Variants in HS3ST4 observed in about 807,000 individuals in gnomAD.
HS3ST4 encodes the protein heparan sulfate glucosamine 3-O-sulfotransferase 4.
In HS3ST4, 17 loss-of-function variants were observed where a neutral mutation model predicts 29.2. The observed-to-expected ratio is 0.58, with a 90% CI of 0.40 to 0.87. HS3ST4 has a LOEUF of 0.87. Among genes scored for constraint, HS3ST4 ranks in the 40% least tolerant of loss-of-function variants. The pLI is 0.00. For missense variants in HS3ST4, 627 were observed against 634.5 expected (o/e 0.99, Z 0.13); for synonymous variants, 314 against 285.7 (o/e 1.10, Z -1.00).
At chr16:25,991,475 G>T (rs1346121113) in intron 1 of HS3ST4, among the ~76,000 whole-genome samples, 1 of 152,212 alleles carries the variant, frequency 6.6e-6, no homozygotes, top group Non-Finnish European at 1.5e-5. Context: ...CCCCTGAGTT[G>T]TCATAGTCTC....
At chr16:25,900,981 T>A (rs1484049103) in intron 1 of HS3ST4, among the ~76,000 whole-genome samples, 5 of 152,174 alleles carry the variant, frequency 3.3e-5, no homozygotes, top group Admixed American at 2.6e-4. Flanking sequence ...CTGACATTGA[T>A]CTTTTATTCT....
chr16:26,075,343 A>G (rs1396949588), intron 1 of HS3ST4, among the ~76,000 whole-genome samples: 2 of 152,190 alleles, frequency 1.3e-5, no homozygotes, highest in Non-Finnish European at 2.9e-5. Flanking sequence ...AGAGCACTCT[A>G]TGACCATCAT....
intron 1 of HS3ST4, among the ~76,000 whole-genome samples, chr16:25,796,586 G>A (rs1025495105): frequency 6.6e-6 from 1 of 152,150 alleles, no homozygotes; most frequent in Non-Finnish European, 1.5e-5. Flanking sequence ...TAACATTTTG[G>A]GTTTTACATC....
At chr16:25,737,023 A>G (rs1966614282) in intron 1 of HS3ST4, among the ~76,000 whole-genome samples, 2 of 150,624 alleles carry the variant, frequency 1.3e-5, no homozygotes, top group Non-Finnish European at 3.0e-5. Flanking sequence ...TAATTTTTGT[A>G]TTTTTGTAGA....
At chr16:25,955,879 AT>A (rs1247576061) in intron 1 of HS3ST4, among the ~76,000 whole-genome samples, 3 of 148,338 alleles carry the variant, frequency 2.0e-5, no homozygotes, top group African/African-American at 7.5e-5. Context: ...CAGTGGTGCG[AT>A]CTCGGCTCAC....
At chr16:25,695,064 A>T (rs1966284727) in intron 1 of HS3ST4, among the ~76,000 whole-genome samples, 1 of 152,230 alleles carries the variant, frequency 6.6e-6, no homozygotes, top group Non-Finnish European at 1.5e-5. Flanking sequence ...GAAGGTATAG[A>T]AACTACCTTG....
chr16:25,862,787 T>C (rs1258398739), intron 1 of HS3ST4, among the ~76,000 whole-genome samples: 1 of 152,264 alleles, frequency 6.6e-6, no homozygotes, highest in Non-Finnish European at 1.5e-5. Context: ...TGACTTTCTC[T>C]CTTACAGAAG....
At chr16:25,839,377 T>C (rs1486278294) in intron 1 of HS3ST4, among the ~76,000 whole-genome samples, 1 of 152,240 alleles carries the variant, frequency 6.6e-6, no homozygotes, top group Admixed American at 6.5e-5. Context: ...CTCACAGAGA[T>C]AACATGTGAA....
At chr16:25,860,778 A>G (rs1348016912) in intron 1 of HS3ST4, among the ~76,000 whole-genome samples, 1 of 152,180 alleles carries the variant, frequency 6.6e-6, no homozygotes, top group African/African-American at 2.4e-5. Context: ...TCTGTATGAT[A>G]CTACGATGGT....
In HS3ST4 at chr16:25,889,297, C is replaced by T. The variant is rs114575803; in HGVS notation, c.734+196146C>T. Among the ~76,000 whole-genome samples the T allele has an allele frequency of 5.7e-3, 865 of 152,274 alleles. 15 individuals carry two copies. Among genetic ancestry groups the T allele is most frequent in the African/African-American group, 0.02 (840 of 41,552 alleles). On this transcript the variant is annotated intron_variant, in intron 1 of 1. Transcript: ENST00000331351. ...ATGTGACTCTGAGCTCATCGTTTGCCTAATTGTTTCTTAGACTGGAGAACA... is the reference window on the plus strand; with the variant it reads ...ATGTGACTCTGAGCTCATCGTTTGCTTAATTGTTTCTTAGACTGGAGAACA...
intron 1 of HS3ST4, among the ~76,000 whole-genome samples, chr16:25,808,547 A>G (rs1967011266): frequency 1.3e-5 from 2 of 152,070 alleles, no homozygotes; most frequent in South Asian, 2.1e-4. Context: ...AAGTGAATGG[A>G]TTACTCTCCT....
chr16:26,096,252 A>G (rs1170118988), intron 1 of HS3ST4, among the ~76,000 whole-genome samples: 2 of 152,200 alleles, frequency 1.3e-5, no homozygotes, highest in Admixed American at 1.3e-4. Context: ...TATGAGGCCA[A>G]CATCATCCTG....
chr16:25,798,952 G>A (rs938866821), intron 1 of HS3ST4, among the ~76,000 whole-genome samples: 2 of 152,154 alleles, frequency 1.3e-5, no homozygotes, highest in Admixed American at 6.5e-5. Flanking sequence ...AAGCATAGAC[G>A]TTACATGTTC....
At chr16:26,058,039 T>C (rs1049184239) in intron 1 of HS3ST4, among the ~76,000 whole-genome samples, 1 of 152,110 alleles carries the variant, frequency 6.6e-6, no homozygotes, top group African/African-American at 2.4e-5. Context: ...TTTAATCAGG[T>C]CCTGATGGAG....
intron 1 of HS3ST4, among the ~76,000 whole-genome samples, chr16:25,863,948 G>A (rs1967664067): frequency 6.6e-6 from 1 of 152,236 alleles, no homozygotes; most frequent in Admixed American, 6.5e-5. Context: ...GGTGTCGGCA[G>A]GTTTGGTTGG....
At chr16:25,897,715 G>A (rs139712261) in intron 1 of HS3ST4, among the ~76,000 whole-genome samples, 18 of 151,972 alleles carry the variant, frequency 1.2e-4, no homozygotes, top group African/African-American at 2.9e-4. Context: ...TCTCCCCCTC[G>A]TTCTGCCGTT....
intron 1 of HS3ST4, among the ~76,000 whole-genome samples, chr16:25,991,402 G>A (rs1028348994): frequency 6.6e-6 from 1 of 152,106 alleles, no homozygotes; most frequent in Non-Finnish European, 1.5e-5. Context: ...AAGAAAAAAA[G>A]AGAGTTCCTC....
intron 1 of HS3ST4, among the ~76,000 whole-genome samples, chr16:25,755,081 C>T (rs1966748633): frequency 6.6e-6 from 1 of 152,042 alleles, no homozygotes; most frequent in South Asian, 2.1e-4. Context: ...TCCATCCATT[C>T]ATTTATTCAT....
chr16:25,771,481 T>G (rs1966841970), intron 1 of HS3ST4, among the ~76,000 whole-genome samples: 1 of 152,024 alleles, frequency 6.6e-6, no homozygotes. Flanking sequence ...GACTCTCCTC[T>G]CTGCTTGGTG....
Sources: gnomAD v4.1 joint callset for allele counts (sites outside exome capture counted in the v4.1 genomes callset) on GRCh38, gnomAD v4.1.1 for gene constraint, MANE v1.5 for transcripts, NCBI Gene and HGNC (gene_info 2026-07-23, HGNC 2026-07-21) for gene names.